Variants in COL5A2 observed in about 807,000 individuals in gnomAD.
COL5A2 encodes the protein collagen type V alpha 2 chain, also known as collagen alpha-2(V) chain.
A neutral mutation model predicts 208.2 loss-of-function variants in COL5A2; 23 were observed. That is an observed-to-expected ratio of 0.11 (90% CI 0.08 to 0.16). COL5A2 has a LOEUF of 0.16. COL5A2 is among the 10% of genes least tolerant of loss of function. The pLI, the probability that COL5A2 is intolerant of heterozygous loss-of-function variation, is 1.00. For synonymous variants in COL5A2, 625 were observed against 628.5 expected (o/e 0.99, Z 0.08); for missense variants, 1,590 against 1,956.4 (o/e 0.81, Z 3.53).
At chr2:189,245,789 A>G in the COL5A2 span, among the ~76,000 whole-genome samples, 1 of 152,190 alleles carries the variant, frequency 6.6e-6, no homozygotes, top group Non-Finnish European at 1.5e-5. Flanking sequence ...GGAGATTTTT[A>G]AAATCCATTT....
At chr2:189,229,003 C>G (rs1689449586), upstream of COL5A2, among the ~76,000 whole-genome samples, 5 of 151,754 alleles carry the variant, frequency 3.3e-5, no homozygotes, top group Admixed American at 2.0e-4. Context: ...GATGGCTCAT[C>G]ATATAAATAT....
At chr2:189,306,367 T>A in the COL5A2 span, among the ~76,000 whole-genome samples, 1 of 152,162 alleles carries the variant, frequency 6.6e-6, no homozygotes, top group African/African-American at 2.4e-5. Flanking sequence ...GTCTATTAAA[T>A]CCTATTTTCT....
At chr2:189,179,883 T>C (rs1043504979), upstream of COL5A2, 4 of 591,240 alleles carry the variant, frequency 6.8e-6, no homozygotes, top group East Asian at 2.8e-5. Context: ...AACGGTCTGA[T>C]TGATGGTAAA....
Position 189,088,367 on chromosome 2 carries a change from G to T in COL5A2, c.645+328C>A, listed in dbSNP as rs575432533. On this transcript the variant is annotated intron_variant, in intron 8 of 53. Transcript: ENST00000374866. ...CTGTTTCTAAGAGCACCATAAAATA[G>T]TTCTGCTTTTTATTTATAAAGGTTT... Among the ~76,000 whole-genome samples, 8 of 152,234 alleles carry T rather than the reference G, an allele frequency of 5.3e-5. No homozygotes were observed. The South Asian group carries it at 1.7e-3, about 32-fold the overall frequency.
chr2:189,258,041 G>C, the COL5A2 span, among the ~76,000 whole-genome samples: 1 of 152,148 alleles, frequency 6.6e-6, no homozygotes, highest in African/African-American at 2.4e-5. Flanking sequence ...ATGAACCTGG[G>C]AGGCAGAGCT....
intron 1 of COL5A2, among the ~76,000 whole-genome samples, chr2:189,130,920 A>G (rs1468122960): frequency 1.3e-5 from 2 of 152,154 alleles, no homozygotes; most frequent in African/African-American, 4.8e-5. Context: ...TAACAGACAG[A>G]AAAGATTTAG....
the COL5A2 span, among the ~76,000 whole-genome samples, chr2:189,392,264 T>C: frequency 6.6e-6 from 1 of 152,072 alleles, no homozygotes; most frequent in Admixed American, 6.6e-5. Context: ...ACCTTTACAA[T>C]GTTGTTAATA....
upstream of COL5A2, among the ~76,000 whole-genome samples, chr2:189,182,371 C>A (rs780780187): frequency 6.6e-6 from 1 of 152,122 alleles, no homozygotes; most frequent in Admixed American, 6.6e-5. Context: ...TAGGCGATTA[C>A]GGTTCAAAGA....
the COL5A2 span, among the ~76,000 whole-genome samples, chr2:189,433,095 G>T: frequency 2.0e-5 from 3 of 152,226 alleles, no homozygotes; most frequent in East Asian, 5.8e-4. Flanking sequence ...GGTAAATAAC[G>T]AAATGAATGC....
intron 51 of COL5A2, 124 bp downstream of exon 51, chr2:189,039,148 A>G: frequency 8.3e-7 from 1 of 1,203,236 alleles, no homozygotes; most frequent in Non-Finnish European, 1.2e-6. Context: ...GCTCCATGAT[A>G]TGTTTACTAT....
chr2:189,425,059 T>G, the COL5A2 span, among the ~76,000 whole-genome samples: 1 of 152,196 alleles, frequency 6.6e-6, no homozygotes, highest in Admixed American at 6.5e-5. Context: ...GGACAGTCTC[T>G]TCAATAAATT....
At chr2:189,115,064 T>G (rs1478000472) in intron 1 of COL5A2, among the ~76,000 whole-genome samples, 1 of 152,178 alleles carries the variant, frequency 6.6e-6, no homozygotes, top group Non-Finnish European at 1.5e-5. Context: ...AAGATTCTTT[T>G]ACCCTCACCA....
chr2:189,214,727 T>C lies in COL5A2; in HGVS notation c.-42+10421A>G, dbSNP rs909911598. 5.3e-5 allele frequency among the ~76,000 whole-genome samples: 8 copies of C among 152,202 alleles called. No homozygotes were observed. The South Asian group carries it at 6.2e-4, about 12-fold the overall frequency. On this transcript the variant is annotated intron_variant, in intron 1 of 10. Transcript: ENST00000649966. ...CAAGACAAAAGAGTTCATGGCAACC[T>C]TGTAGCTTGACTAACCAACCAATGT...
chr2:189,389,816 T>G, the COL5A2 span, among the ~76,000 whole-genome samples: 1 of 152,190 alleles, frequency 6.6e-6, no homozygotes, highest in African/African-American at 2.4e-5. Context: ...ATCACTGCAA[T>G]GGACAATGTT....
intron 47 of COL5A2, among the ~76,000 whole-genome samples, chr2:189,044,574 A>C (rs1685624696): frequency 6.6e-6 from 1 of 152,174 alleles, no homozygotes; most frequent in Admixed American, 6.5e-5. Flanking sequence ...AGTCAAGCTC[A>C]AATTAAAGAG....
At chr2:189,384,187 C>T in the COL5A2 span, among the ~76,000 whole-genome samples, 6 of 151,996 alleles carry the variant, frequency 3.9e-5, no homozygotes, top group Admixed American at 6.6e-5. Flanking sequence ...TTTTATATCT[C>T]GGCTACTGTG....
chr2:189,061,863 T>A (rs1216876431), intron 29 of COL5A2, among the ~76,000 whole-genome samples: 6 of 152,198 alleles, frequency 3.9e-5, no homozygotes, highest in Non-Finnish European at 7.4e-5. Flanking sequence ...CAAACTTAAA[T>A]GTCTGGAGCC....
chr2:189,090,285 C>T (rs1686756000), intron 7 of COL5A2, among the ~76,000 whole-genome samples: 1 of 149,896 alleles, frequency 6.7e-6, no homozygotes, highest in Non-Finnish European at 1.5e-5. Context: ...AGGCCCTAAC[C>T]CTCTTCAATT....
rs540646005 is a variant in COL5A2 at position 189,077,588 on chromosome 2, T to C, written c.1059+928A>G. Among the ~76,000 whole-genome samples, 10 of 152,340 alleles carry C rather than the reference T, an allele frequency of 6.6e-5. No homozygotes were observed. In the South Asian group the frequency reaches 1.7e-3, roughly 25 times the overall value. ...CAGAGAAGTAAGCATACTATATTGA[T>C]AGACGATGTTAGCCTAGATAAGCCA... On this transcript the variant is annotated intron_variant, in intron 16 of 53. Coordinates refer to ENST00000374866, the MANE Select transcript of COL5A2 (RefSeq NM_000393.5).
Sources: allele counts gnomAD v4.1 joint callset (sites outside exome capture counted in the v4.1 genomes callset), GRCh38; gene constraint gnomAD v4.1.1; transcripts MANE v1.5; gene names NCBI Gene and HGNC (gene_info 2026-07-23, HGNC 2026-07-21).